The following CCNY variants were observed in gnomAD, a reference collection of about 807,000 sequenced individuals.
CCNY encodes the protein cyclin-Y.
A neutral mutation model predicts 42.8 loss-of-function variants in CCNY; 19 were observed. The observed-to-expected ratio is 0.44, with a 90% CI of 0.31 to 0.65. CCNY has a LOEUF of 0.65. Among genes scored for constraint, CCNY ranks in the 30% least tolerant of loss-of-function variants. CCNY has a pLI of 0.07. For missense variants in CCNY, 370 were observed against 437.3 expected (o/e 0.85, Z 1.37); for synonymous variants, 165 against 162.7 (o/e 1.01, Z -0.11).
chr10:35,444,187 CCTT>C (rs1009309308), intron 1 of CCNY, among the ~76,000 whole-genome samples: 9 of 146,948 alleles, frequency 6.1e-5, no homozygotes, highest in Non-Finnish European at 9.2e-5. Context: ...GATAGCAAGG[CCTT>C]CTTCTGGTAC....
Position 35,248,830 on chromosome 10 carries a change from C to A in CCNY, c.-114+619C>A, listed in dbSNP as rs896988353. On this transcript the variant is annotated intron_variant, in intron 2 of 11. Coordinates refer to the CCNY transcript ENST00000374706. ...CTCCAGCCTGAGCAACACAGTGAGA[C>A]GTTGTCTCTAAAAAAGAAAAAGAAA... 3.3e-5 allele frequency among the ~76,000 whole-genome samples: 5 copies of A among 152,126 alleles called. No individual in the cohort carries two copies. In the East Asian group the frequency reaches 7.7e-4, roughly 23 times the overall value.
rs553269855 is a variant in CCNY, at chr10:35,392,428, A to G, written c.154+55221A>G. Among the ~76,000 whole-genome samples the G allele has an allele frequency of 3.3e-5, 5 of 152,356 alleles. No individual in the cohort carries two copies. In the South Asian group the frequency reaches 1.0e-3, roughly 32 times the overall value. On this transcript the variant is annotated intron_variant, in intron 1 of 9. Transcript: ENST00000374704. ...TTCAAATAGGACTAAATGCTATTAA[A>G]AAAATAATCTAGTTACTGGTACAGA...
Position 35,545,136 on chromosome 10 carries a change from A to G in CCNY, c.580-7883A>G, listed in dbSNP as rs1841085472. On this transcript the variant is annotated intron_variant, in intron 7 of 9. Coordinates refer to ENST00000374704, the MANE Select transcript of CCNY (RefSeq NM_145012.6). ...CAAAGAAACCCAGACTTATTTTTGA[A>G]CGTTCCCTGTTGTTAGCTGAGATTT... 2.6e-5 allele frequency among the ~76,000 whole-genome samples: 4 copies of G among 152,310 alleles called. No homozygotes were observed. The South Asian group carries it at 6.2e-4, about 24-fold the overall frequency.
At chr10:35,357,114 C>T (rs1836571549) in intron 1 of CCNY, among the ~76,000 whole-genome samples, 1 of 117,866 alleles carries the variant, frequency 8.5e-6, no homozygotes, top group African/African-American at 3.5e-5. Context: ...CCGCATCACC[C>T]CGCATCACCT....
chr10:35,317,758 A>G (rs1835777107), intron 3 of CCNY, among the ~76,000 whole-genome samples: 1 of 152,210 alleles, frequency 6.6e-6, no homozygotes, highest in Non-Finnish European at 1.5e-5. Context: ...GGGAATGGTG[A>G]TGGTGAGTGA....
At chr10:35,297,006 A>G (rs1443366520) in intron 3 of CCNY, among the ~76,000 whole-genome samples, 1 of 152,112 alleles carries the variant, frequency 6.6e-6, no homozygotes, top group Non-Finnish European at 1.5e-5. Flanking sequence ...CAACAAAAAA[A>G]TCTTCAGGTC....
At chr10:35,248,404 G>C (rs933026632) in intron 2 of CCNY, among the ~76,000 whole-genome samples, 7 of 152,186 alleles carry the variant, frequency 4.6e-5, no homozygotes, top group African/African-American at 1.7e-4. Context: ...AGCACTTTGG[G>C]AGGCCGAGTT....
intron 1 of CCNY, among the ~76,000 whole-genome samples, chr10:35,433,148 C>T (rs937483742): frequency 6.6e-6 from 1 of 152,076 alleles, no homozygotes; most frequent in Non-Finnish European, 1.5e-5. Context: ...AGTTAAAGAC[C>T]AGCCTGGGCA....
intron 1 of CCNY, among the ~76,000 whole-genome samples, chr10:35,393,561 C>T (rs1837459932): frequency 6.6e-6 from 1 of 152,170 alleles, no homozygotes. Context: ...GACCTGAAGC[C>T]CTCCTGCAGC....
chr10:35,262,886 A>G (rs375003237), intron 3 of CCNY, among the ~76,000 whole-genome samples: 27 of 151,606 alleles, frequency 1.8e-4, no homozygotes, highest in South Asian at 1.5e-3. Flanking sequence ...GAAATGAAAC[A>G]TGAAAAAAAT....
rs76062420 is a variant in CCNY, at chr10:35,426,485, T to A, written c.155-56919T>A. Among the ~76,000 whole-genome samples the A allele has an allele frequency of 8.1e-3, 1,241 of 152,308 alleles. 13 individuals carry two copies. The highest frequency in any genetic ancestry group is 0.012 in the African/African-American group (515 of 41,572). On this transcript the variant is annotated intron_variant, in intron 1 of 9. Coordinates refer to ENST00000374704, the MANE Select transcript of CCNY (RefSeq NM_145012.6). Reference sequence around the variant, plus strand: ...TCACTGCAGGCAGTAGCCACTGCATTGCATCAATACCGTCCATGGGGTTTA... The same window carrying A: ...TCACTGCAGGCAGTAGCCACTGCATAGCATCAATACCGTCCATGGGGTTTA...
chr10:35,390,466 A>G (rs1837390784), intron 1 of CCNY, among the ~76,000 whole-genome samples: 2 of 152,208 alleles, frequency 1.3e-5, no homozygotes, highest in Admixed American at 6.5e-5. Flanking sequence ...CCTAAAGAAA[A>G]CAACAGATTT....
intron 3 of CCNY, among the ~76,000 whole-genome samples, chr10:35,255,849 C>T (rs2095715103): frequency 6.6e-6 from 1 of 152,180 alleles, no homozygotes; most frequent in South Asian, 2.1e-4. Flanking sequence ...ACCACCTCAG[C>T]CTCCCAAAAT....
intron 1 of CCNY, among the ~76,000 whole-genome samples, chr10:35,424,599 C>G (rs574850543): frequency 1.3e-5 from 2 of 152,162 alleles, no homozygotes; most frequent in African/African-American, 4.8e-5. Flanking sequence ...AGTATTTTCT[C>G]ACTCATCTCA....
intron 3 of CCNY, among the ~76,000 whole-genome samples, chr10:35,325,763 C>T (rs1326704385): frequency 1.3e-5 from 2 of 152,208 alleles, no homozygotes; most frequent in Admixed American, 6.5e-5. Context: ...AGTCACTGCG[C>T]TTGGCCCCCC....
chr10:35,441,876 A>T (rs567890641), intron 1 of CCNY, among the ~76,000 whole-genome samples: 1 of 152,256 alleles, frequency 6.6e-6, no homozygotes, highest in South Asian at 2.1e-4. Flanking sequence ...TTACGTATTA[A>T]TTGTAAAATA....
At chr10:35,417,724 A>G (rs920194551) in intron 1 of CCNY, among the ~76,000 whole-genome samples, 4 of 152,222 alleles carry the variant, frequency 2.6e-5, no homozygotes, top group East Asian at 1.9e-4. Flanking sequence ...TTTAACTTGC[A>G]TATTCTAATA....
At chr10:35,566,800 G>A (rs1841580954) in intron 9 of CCNY, among the ~76,000 whole-genome samples, 1 of 152,030 alleles carries the variant, frequency 6.6e-6, no homozygotes, top group African/African-American at 2.4e-5. Context: ...CCGCCCCCTG[G>A]GTTCAAGTGA....
intron 1 of CCNY, among the ~76,000 whole-genome samples, chr10:35,348,754 C>T (rs1589050957): frequency 1.3e-5 from 2 of 152,296 alleles, no homozygotes; most frequent in East Asian, 3.9e-4. Context: ...GTGCTGTGCC[C>T]TGGAGAATGG....
Sources: allele counts gnomAD v4.1 joint callset (sites outside exome capture counted in the v4.1 genomes callset), GRCh38; gene constraint gnomAD v4.1.1; transcripts MANE v1.5; gene names NCBI Gene and HGNC (gene_info 2026-07-23, HGNC 2026-07-21).